The following BMP5 variants were observed in gnomAD, a reference collection of about 807,000 sequenced individuals.
BMP5 encodes bone morphogenetic protein 5.
In BMP5, 23 loss-of-function variants were observed where a neutral mutation model predicts 46.6. That is an observed-to-expected ratio of 0.49 (90% CI 0.35 to 0.70). The LOEUF is 0.70. Ranked by LOEUF, BMP5 falls within the 30% of genes least tolerant of loss-of-function variation. The pLI is 0.00. For missense variants in BMP5, 545 were observed against 565.6 expected (o/e 0.96, Z 0.37); for synonymous variants, 204 against 191.9 (o/e 1.06, Z -0.52).
chr6:55,824,826 G>T (rs1776492567), intron 1 of BMP5, among the ~76,000 whole-genome samples: 1 of 151,794 alleles, frequency 6.6e-6, no homozygotes, highest in African/African-American at 2.4e-5. Context: ...CCAAGAGGGG[G>T]GTGCATTTTG....
chr6:55,774,516 C>T (rs1197340186), intron 3 of BMP5, among the ~76,000 whole-genome samples: 2 of 151,920 alleles, frequency 1.3e-5, no homozygotes, highest in Non-Finnish European at 2.9e-5. Flanking sequence ...GTCAAGAATA[C>T]TATAAATTGG....
chr6:55,824,220 T>A (rs1776477114), intron 1 of BMP5, among the ~76,000 whole-genome samples: 1 of 151,908 alleles, frequency 6.6e-6, no homozygotes, highest in African/African-American at 2.4e-5. Context: ...TACAGTATGC[T>A]ATAACCTACT....
intron 4 of BMP5, among the ~76,000 whole-genome samples, chr6:55,770,289 T>A (rs1418770536): frequency 6.6e-6 from 1 of 151,946 alleles, no homozygotes; most frequent in Non-Finnish European, 1.5e-5. Context: ...AGCTTCTTCA[T>A]CAATACTTGC....
intron 1 of BMP5, among the ~76,000 whole-genome samples, chr6:55,825,469 T>G (rs569271091): frequency 6.6e-6 from 1 of 151,962 alleles, no homozygotes; most frequent in South Asian, 2.1e-4. Flanking sequence ...AGAATTGCCT[T>G]TATATAAGCA....
intron 2 of BMP5, among the ~76,000 whole-genome samples, chr6:55,818,923 G>GAGAT (rs199818485): frequency 1.8e-3 from 273 of 151,866 alleles, no homozygotes; most frequent in South Asian, 3.5e-3. Flanking sequence ...AGATACATGA[G>GAGAT]AGATAGATAG....
At chr6:55,842,810 A>G (rs2127546258) in intron 1 of BMP5, among the ~76,000 whole-genome samples, 1 of 152,020 alleles carries the variant, frequency 6.6e-6, no homozygotes, top group African/African-American at 2.4e-5. Flanking sequence ...GTTGTGTTAT[A>G]CTTCTTAGCT....
intron 2 of BMP5, among the ~76,000 whole-genome samples, chr6:55,798,450 GTAAATT>G (rs1468165003): frequency 6.6e-6 from 1 of 152,136 alleles, no homozygotes; most frequent in Non-Finnish European, 1.5e-5. Flanking sequence ...ATATGTGAAA[GTAAATT>G]TATATTAATA....
chr6:55,848,423 T>C (rs984591609), intron 1 of BMP5, among the ~76,000 whole-genome samples: 2 of 151,998 alleles, frequency 1.3e-5, no homozygotes, highest in African/African-American at 4.8e-5. Context: ...TATAATTCAA[T>C]ATATTCATAT....
At chr6:55,808,274 C>T (rs757948561) in intron 2 of BMP5, among the ~76,000 whole-genome samples, 5 of 152,192 alleles carry the variant, frequency 3.3e-5, no homozygotes, top group African/African-American at 7.2e-5. Context: ...TATGCCACAG[C>T]TGATGTGTTT....
chr6:55,847,382 C>T (rs2127548018), intron 1 of BMP5, among the ~76,000 whole-genome samples: 1 of 152,072 alleles, frequency 6.6e-6, no homozygotes, highest in East Asian at 1.9e-4. Context: ...TACTTACCCT[C>T]ACTGTCTTGA....
At chr6:55,774,546 G>A (rs1031722521) in intron 3 of BMP5, among the ~76,000 whole-genome samples, 9 of 151,804 alleles carry the variant, frequency 5.9e-5, no homozygotes, top group Admixed American at 3.3e-4. Context: ...CTACTCATTC[G>A]CCTGGAAATG....
intron 1 of BMP5, among the ~76,000 whole-genome samples, chr6:55,852,894 G>C (rs1777279495): frequency 6.6e-6 from 1 of 152,018 alleles, no homozygotes; most frequent in African/African-American, 2.4e-5. Flanking sequence ...CACTTTGGGA[G>C]GCCGAGGTGG....
intron 2 of BMP5, among the ~76,000 whole-genome samples, chr6:55,811,120 C>G (rs962184717): frequency 1.3e-5 from 2 of 152,046 alleles, no homozygotes; most frequent in African/African-American, 2.4e-5. Context: ...TCTCAAGAGC[C>G]CAGGAAATCT....
intron 2 of BMP5, among the ~76,000 whole-genome samples, chr6:55,813,449 T>A (rs928596631): frequency 5.9e-5 from 9 of 152,140 alleles, no homozygotes; most frequent in African/African-American, 2.2e-4. Context: ...TTTGGGTCAA[T>A]TAACATTATT....
At chr6:55,842,628 C>T (rs1016884669) in intron 1 of BMP5, among the ~76,000 whole-genome samples, 10 of 151,912 alleles carry the variant, frequency 6.6e-5, no homozygotes, top group African/African-American at 1.2e-4. Context: ...TCTTGCATTA[C>T]GCCGGCCCCT....
intron 4 of BMP5, among the ~76,000 whole-genome samples, chr6:55,762,341 A>G (rs1262352033): frequency 6.6e-6 from 1 of 152,258 alleles, no homozygotes; most frequent in African/African-American, 2.4e-5. Context: ...CAAGTTAGAG[A>G]TCAAAGGAGC....
intron 3 of BMP5, among the ~76,000 whole-genome samples, chr6:55,781,412 T>C (rs1775314390): frequency 6.6e-6 from 1 of 152,096 alleles, no homozygotes; most frequent in African/African-American, 2.4e-5. Flanking sequence ...TTAAAAACTC[T>C]TTCTTTGTGT....
At chr6:55,790,687 G>A (rs1261188574) in intron 3 of BMP5, among the ~76,000 whole-genome samples, 1 of 152,080 alleles carries the variant, frequency 6.6e-6, no homozygotes, top group East Asian at 1.9e-4. Context: ...TCTTCATCCA[G>A]GAATGAATTA....
chr6:55,785,714 C>A (rs1775430691), intron 3 of BMP5, among the ~76,000 whole-genome samples: 1 of 150,410 alleles, frequency 6.6e-6, no homozygotes, highest in African/African-American at 2.4e-5. Context: ...TTAGCCACAT[C>A]TTTTAAATAT....
Sources: gnomAD v4.1 joint callset for allele counts (sites outside exome capture counted in the v4.1 genomes callset) on GRCh38, gnomAD v4.1.1 for gene constraint, MANE v1.5 for transcripts, NCBI Gene and HGNC (gene_info 2026-07-23, HGNC 2026-07-21) for gene names.